ATP6V0A1: variants seen among roughly 807,000 people sequenced by gnomAD.
ATP6V0A1 encodes the protein ATPase H+ transporting V0 subunit a1.
ATP6V0A1 carries 43 observed loss-of-function variants against 105.4 expected under a neutral mutation model. That is an observed-to-expected ratio of 0.41 (90% confidence interval 0.32 to 0.53). ATP6V0A1 has a LOEUF of 0.53. Ranked by LOEUF, ATP6V0A1 falls within the 20% of genes least tolerant of loss-of-function variation. The pLI is 0.30. For synonymous variants in ATP6V0A1, 362 were observed against 372.8 expected (o/e 0.97, Z 0.33); for missense variants, 676 against 1,051.1 (o/e 0.64, Z 4.93).
Position 42,478,524 on chromosome 17 carries a change from G to T in ATP6V0A1, c.568G>T (p.Val190Leu). The change falls in exon 7 of 22, where the codon GTA becomes TTA. Residue 190 changes from valine to leucine, a missense_variant. By Grantham distance (32) the Val-to-Leu change is conservative. Around this residue, in one of 3 missense-constraint regions of ATP6V0A1, gnomAD observed 239 missense variants for 388.4 expected, o/e 0.62. Transcript: ENST00000343619. ...TACTTTTGAGCGCATGCTTTGGCGG[G>T]TATGCCGGGGAAATGTGTTCCTGCG... ...IPTFERMLWRVCRGNVFLRQA... is the reference protein window; with the variant it reads ...IPTFERMLWRLCRGNVFLRQA... 6.2e-7 allele frequency: 1 copy of T among 1,610,832 alleles called. No individual in the cohort carries two copies. The highest frequency in any genetic ancestry group is 8.5e-7 in the Non-Finnish European group (1 of 1,178,092).
At chr17:42,483,402 G>T (rs906573882) in intron 9 of ATP6V0A1, among the ~76,000 whole-genome samples, 6 of 151,548 alleles carry the variant, frequency 4.0e-5, no homozygotes, top group Admixed American at 3.3e-4. Flanking sequence ...TCCACCTCAT[G>T]GGTCTGAGAT....
chr17:42,514,875 C>T (rs1489390276), intron 21 of ATP6V0A1, among the ~76,000 whole-genome samples: 1 of 152,170 alleles, frequency 6.6e-6, no homozygotes, highest in Non-Finnish European at 1.5e-5. Flanking sequence ...GAACACGCTG[C>T]ACCCCAGCTT....
chr17:42,507,810 G>C (rs1309566638), intron 18 of ATP6V0A1, 183 bp downstream of exon 18: 10 of 604,032 alleles, frequency 1.7e-5, no homozygotes, highest in Non-Finnish European at 3.0e-5. Flanking sequence ...CTAAGCTCCA[G>C]CTGTTGCCCC....
At chr17:42,472,051 C>CTTTT (rs11428880) in intron 5 of ATP6V0A1, among the ~76,000 whole-genome samples, 1 of 129,942 alleles carries the variant, frequency 7.7e-6, no homozygotes, top group Non-Finnish European at 1.6e-5. Flanking sequence ...TATAGAGGCC[C>CTTTT]TTTTTTTTTT....
At chr17:42,495,290 CA>C in intron 13 of ATP6V0A1, 102 bp downstream of exon 13, 1 of 1,250,058 alleles carries the variant, frequency 8.0e-7, no homozygotes, top group Non-Finnish European at 1.1e-6. Flanking sequence ...GAAGTGGTGA[CA>C]GTGTCTCCTC....
intron 9 of ATP6V0A1, among the ~76,000 whole-genome samples, chr17:42,484,396 G>A (rs2089892131): frequency 6.6e-6 from 1 of 152,084 alleles, no homozygotes; most frequent in South Asian, 2.1e-4. Flanking sequence ...AGTATGCTTA[G>A]TTAAGACAAA....
At chr17:42,476,325 C>A (rs1420762932) in intron 5 of ATP6V0A1, among the ~76,000 whole-genome samples, 1 of 151,984 alleles carries the variant, frequency 6.6e-6, no homozygotes, top group Non-Finnish European at 1.5e-5. Flanking sequence ...ACAGTTTTTC[C>A]CCCTTTTTGC....
At chr17:42,460,093 A>T in intron 1 of ATP6V0A1, 1 of 152,208 alleles carries the variant, frequency 6.6e-6, no homozygotes. Flanking sequence ...TGACAGATGG[A>T]AGAATGTAAT....
At chr17:42,464,696 C>A (rs1281473476) in intron 2 of ATP6V0A1, among the ~76,000 whole-genome samples, 1 of 151,992 alleles carries the variant, frequency 6.6e-6, no homozygotes, top group Non-Finnish European at 1.5e-5. Context: ...AGCCACCGTG[C>A]CCGGCCAATG....
At chr17:42,489,677 A>G (rs1024800959) in intron 10 of ATP6V0A1, among the ~76,000 whole-genome samples, 1 of 152,134 alleles carries the variant, frequency 6.6e-6, no homozygotes, top group African/African-American at 2.4e-5. Context: ...TAGGGTTCCA[A>G]TGAGGGAAGT....
At chr17:42,476,452 C>G (rs1388345074) in intron 5 of ATP6V0A1, among the ~76,000 whole-genome samples, 1 of 152,112 alleles carries the variant, frequency 6.6e-6, no homozygotes, top group Non-Finnish European at 1.5e-5. Context: ...GAGAAAAACT[C>G]TTCTGATTTT....
chr17:42,468,486 A>G (rs764966683), intron 4 of ATP6V0A1, among the ~76,000 whole-genome samples: 1 of 152,142 alleles, frequency 6.6e-6, no homozygotes. Context: ...TATGCCTTCT[A>G]TCTAACTGTA....
chr17:42,494,248 G>A (rs2090944323), intron 11 of ATP6V0A1, 86 bp from the exon 12 acceptor site: 2 of 1,362,410 alleles, frequency 1.5e-6, no homozygotes, highest in Non-Finnish European at 2.0e-6. Context: ...AAAAAAAGGG[G>A]GGTGGGTATG....
intron 10 of ATP6V0A1, 59 bp downstream of exon 10, chr17:42,487,426 G>A (rs2090203635): frequency 6.4e-7 from 1 of 1,562,844 alleles, no homozygotes; most frequent in Non-Finnish European, 8.8e-7. Context: ...CCCATCAATA[G>A]TAACATTAAT....
At chr17:42,512,209 C>T (rs1207661561) in intron 19 of ATP6V0A1, among the ~76,000 whole-genome samples, 4 of 152,150 alleles carry the variant, frequency 2.6e-5, no homozygotes, top group Admixed American at 6.5e-5. Flanking sequence ...CCTTGCTTCT[C>T]CTGAGAACAC....
intron 21 of ATP6V0A1, chr17:42,520,782 A>G: frequency 2.0e-6 from 1 of 502,256 alleles, no homozygotes. Flanking sequence ...TTGTGCATAA[A>G]CACACTGCTC....
intron 1 of ATP6V0A1, chr17:42,459,287 A>C (rs1295772149): frequency 6.6e-6 from 1 of 152,268 alleles, no homozygotes; most frequent in African/African-American, 2.4e-5. Flanking sequence ...TCCCATCTCA[A>C]GGTAGATGAG....
chr17:42,461,135 T>C, intron 2 of ATP6V0A1, 124 bp downstream of exon 2: 1 of 790,958 alleles, frequency 1.3e-6, no homozygotes, highest in South Asian at 1.6e-5. Flanking sequence ...GACTTCCTAT[T>C]GGCAGAATGC....
intron 14 of ATP6V0A1, 64 bp from the exon 15 acceptor site, chr17:42,498,860 A>C (rs531488091): frequency 2.6e-6 from 3 of 1,133,118 alleles, no homozygotes; most frequent in South Asian, 1.3e-5. Context: ...TTTTTTAAAC[A>C]GAGGAATATT....
Sources: gnomAD v4.1 joint callset for allele counts (sites outside exome capture counted in the v4.1 genomes callset) on GRCh38, gnomAD v4.1.1 for gene constraint, gnomAD v4.1.1 regional missense constraint, MANE v1.5 for transcripts, NCBI Gene and HGNC (gene_info 2026-07-23, HGNC 2026-07-21) for gene names.